Variants in UNC13B observed in about 807,000 individuals in gnomAD.
The protein encoded by UNC13B is protein unc-13 homolog B.
UNC13B carries 144 observed loss-of-function variants against 211.0 expected under a neutral mutation model. That is an observed-to-expected ratio of 0.68 (90% CI 0.60 to 0.78). UNC13B has a LOEUF of 0.78. Ranked by LOEUF, UNC13B falls within the 30% of genes least tolerant of loss-of-function variation. The pLI is 0.00. For missense variants in UNC13B, 1,777 were observed against 2,002.0 expected (o/e 0.89, Z 2.14); for synonymous variants, 709 against 725.8 (o/e 0.98, Z 0.37).
At chr9:35,378,529 G>A (rs1359443957) in intron 17 of UNC13B, 93 bp downstream of exon 17, 1 of 1,526,210 alleles carries the variant, frequency 6.6e-7, no homozygotes, top group Non-Finnish European at 9.0e-7. Flanking sequence ...TTGAAGATTG[G>A]GCAAAGGCAG....
intron 36 of UNC13B, among the ~76,000 whole-genome samples, chr9:35,399,932 C>T (rs1433056146): frequency 6.6e-6 from 1 of 152,154 alleles, no homozygotes; most frequent in Admixed American, 6.5e-5. Flanking sequence ...AAGGCAGGAA[C>T]ATATGAACTG....
At chr9:35,238,805 A>G (rs1390277303) in intron 5 of UNC13B, among the ~76,000 whole-genome samples, 1 of 151,288 alleles carries the variant, frequency 6.6e-6, no homozygotes, top group East Asian at 1.9e-4. Context: ...CGATCCGCCC[A>G]CCTCTGCTTC....
intron 7 of UNC13B, among the ~76,000 whole-genome samples, chr9:35,259,805 G>A (rs549041965): frequency 1.0e-4 from 12 of 120,000 alleles, no homozygotes; most frequent in Non-Finnish European, 7.1e-5. Flanking sequence ...GCGGGGGGGG[G>A]GGATTTTGAT....
intron 2 of UNC13B, among the ~76,000 whole-genome samples, chr9:35,228,703 A>AGT (rs56971215): frequency 0.058 from 8,141 of 140,470 alleles, 264 homozygotes; most frequent in African/African-American, 0.093. Flanking sequence ...ACATCATGAA[A>AGT]GTGTGTGTGT....
chr9:35,363,835 G>A (rs1373489445), intron 11 of UNC13B, among the ~76,000 whole-genome samples: 1 of 152,106 alleles, frequency 6.6e-6, no homozygotes, highest in African/African-American at 2.4e-5. Context: ...TTAGAGTATT[G>A]TCCTGGGTTT....
chr9:35,225,489 T>G (rs1824784506), intron 1 of UNC13B, among the ~76,000 whole-genome samples: 1 of 152,196 alleles, frequency 6.6e-6, no homozygotes, highest in South Asian at 2.1e-4. Flanking sequence ...GATATTTGTG[T>G]ATGTGTTATA....
chr9:35,197,364 C>T (rs968367257), intron 1 of UNC13B, among the ~76,000 whole-genome samples: 2 of 151,870 alleles, frequency 1.3e-5, no homozygotes, highest in East Asian at 3.9e-4. Context: ...TGTGCCCCCA[C>T]ACCCGGCTAG....
At chr9:35,328,038 C>T (rs543919485) in intron 11 of UNC13B, among the ~76,000 whole-genome samples, 9 of 152,116 alleles carry the variant, frequency 5.9e-5, no homozygotes, top group African/African-American at 1.9e-4. Context: ...TTTTCTTTTT[C>T]GAGACTGAGT....
At chr9:35,195,075 C>T (rs1203178909) in intron 1 of UNC13B, among the ~76,000 whole-genome samples, 1 of 9,458 alleles carries the variant, frequency 1.1e-4, no homozygotes, top group Non-Finnish European at 7.9e-4. Flanking sequence ...GCCACCCCAC[C>T]CTAATCTTTT....
At chr9:35,180,703 A>G (rs1449226938) in intron 1 of UNC13B, among the ~76,000 whole-genome samples, 2 of 152,208 alleles carry the variant, frequency 1.3e-5, no homozygotes, top group Non-Finnish European at 2.9e-5. Flanking sequence ...ATACTCTACA[A>G]CAGTGTTTTT....
intron 11 of UNC13B, among the ~76,000 whole-genome samples, chr9:35,344,732 C>T (rs1476458420): frequency 2.0e-5 from 3 of 152,120 alleles, no homozygotes; most frequent in Non-Finnish European, 4.4e-5. Context: ...TGCCTAAAGA[C>T]TTTCAAATTC....
In UNC13B at chr9:35,162,258, G is replaced by C; in HGVS notation, c.-26G>C. ...GAGCGGTCCGGCGCGGCTGGGGCGC[G>C]GCAGAGGCTTGCCCGATCCTCGGCC... On this transcript the variant is annotated 5_prime_UTR_variant, in exon 1 of 40. Coordinates refer to ENST00000635942, the MANE Select transcript of UNC13B (RefSeq NM_001371189.2). 7.8e-6 allele frequency: 12 copies of C among 1,542,596 alleles called. No individual in the cohort carries two copies. The highest frequency in any genetic ancestry group is 1.7e-4 in the Middle Eastern group (1 of 5,916).
chr9:35,222,330 C>T (rs1459504383), intron 1 of UNC13B, among the ~76,000 whole-genome samples: 2 of 152,140 alleles, frequency 1.3e-5, no homozygotes, highest in Admixed American at 6.5e-5. Flanking sequence ...TGATTTCTCT[C>T]CTCAGTGTTT....
chr9:35,245,874 G>C (rs1490883942), intron 6 of UNC13B, among the ~76,000 whole-genome samples: 6 of 152,138 alleles, frequency 3.9e-5, no homozygotes, highest in Non-Finnish European at 8.8e-5. Context: ...CCAGTAATGG[G>C]ATGGCTGAGT....
chr9:35,268,581 T>C (rs1303483162), intron 7 of UNC13B, among the ~76,000 whole-genome samples: 1 of 152,178 alleles, frequency 6.6e-6, no homozygotes, highest in African/African-American at 2.4e-5. Flanking sequence ...ATTGCACCAC[T>C]GTACTCCAGC....
At chr9:35,396,404 C>A in intron 26 of UNC13B, 72 bp from the exon 27 acceptor site, 1 of 1,594,086 alleles carries the variant, frequency 6.3e-7, no homozygotes, top group East Asian at 2.2e-5. Flanking sequence ...ACCAGATCTG[C>A]TGCCTTGGGA....
chr9:35,197,965 C>T (rs1028239490), intron 1 of UNC13B, among the ~76,000 whole-genome samples: 20 of 152,098 alleles, frequency 1.3e-4, no homozygotes, highest in Admixed American at 3.3e-4. Context: ...ATACAATATG[C>T]GAACCATTAG....
intron 1 of UNC13B, among the ~76,000 whole-genome samples, chr9:35,218,961 C>G (rs763106902): frequency 3.1e-4 from 47 of 152,124 alleles, no homozygotes; most frequent in Non-Finnish European, 6.6e-4. Flanking sequence ...GTTGGTCAGG[C>G]TGGCCTTGAA....
intron 11 of UNC13B, chr9:35,353,669 G>A (rs1330783485): frequency 2.4e-6 from 3 of 1,232,054 alleles, no homozygotes; most frequent in Non-Finnish European, 3.0e-6. Context: ...CCTAGAGCAA[G>A]TGTGTACAGA....
Sources: allele counts gnomAD v4.1 joint callset (sites outside exome capture counted in the v4.1 genomes callset), GRCh38; gene constraint gnomAD v4.1.1; transcripts MANE v1.5; gene names NCBI Gene and HGNC (gene_info 2026-07-23, HGNC 2026-07-21).